Variants in ROBO1 observed in about 807,000 individuals in gnomAD.
ROBO1 encodes roundabout guidance receptor 1.
Under a neutral mutation model 195.9 loss-of-function variants are expected in ROBO1, and 149 were observed. That is an observed-to-expected ratio of 0.76 (90% CI 0.67 to 0.87). The LOEUF (loss-of-function observed/expected upper bound fraction) is 0.87, where lower values mean the gene tolerates loss of function less well. Among genes scored for constraint, ROBO1 ranks in the 40% least tolerant of loss-of-function variants. The probability of loss-of-function intolerance (pLI) is 0.00; values close to 1 mark genes in which losing one functional copy is unlikely to be tolerated. For missense variants in ROBO1, 1,933 were observed against 2,068.3 expected (o/e 0.93, Z 1.27); for synonymous variants, 816 against 733.2 (o/e 1.11, Z -1.82).
intron 3 of ROBO1, among the ~76,000 whole-genome samples, chr3:79,040,698 C>G (rs895009859): frequency 6.6e-6 from 1 of 152,120 alleles, no homozygotes; most frequent in Non-Finnish European, 1.5e-5. Context: ...GTTGTAGACA[C>G]AAAACACCCT....
chr3:79,159,232 G>C (rs2080911802), intron 2 of ROBO1, among the ~76,000 whole-genome samples: 2 of 151,932 alleles, frequency 1.3e-5, no homozygotes, highest in Admixed American at 6.6e-5. Context: ...AATGTTCTCA[G>C]TCTACCTCAT....
chr3:78,719,946 G>T (rs2082001893), intron 5 of ROBO1, among the ~76,000 whole-genome samples: 1 of 152,060 alleles, frequency 6.6e-6, no homozygotes, highest in South Asian at 2.1e-4. Context: ...GTTTCATAAA[G>T]TCATTTTAAT....
At chr3:79,431,374 G>A (rs1177458056) in intron 2 of ROBO1, among the ~76,000 whole-genome samples, 3 of 152,048 alleles carry the variant, frequency 2.0e-5, no homozygotes, top group Non-Finnish European at 2.9e-5. Context: ...CATTCCCACC[G>A]TGCAAGTGGT....
At position 79,439,156 on chromosome 3, in the gene ROBO1, C is replaced by T. The variant is rs144835779; in HGVS notation, c.88+150668G>A. 2.4e-3 allele frequency among the ~76,000 whole-genome samples: 368 copies of T among 152,058 alleles called. 3 individuals are homozygous for T. Among genetic ancestry groups the T allele is most frequent in the African/African-American group, 8.1e-3 (338 of 41,520 alleles). ...CATCAATACTAATTACTTCTAAGTA[C>T]GGAAGATAATACCACTAATAAATAT... On this transcript the variant is annotated intron_variant, in intron 2 of 30. Transcript: ENST00000464233.
intron 2 of ROBO1, among the ~76,000 whole-genome samples, chr3:79,172,766 T>C (rs2081190302): frequency 1.3e-5 from 2 of 152,156 alleles, no homozygotes; most frequent in African/African-American, 2.4e-5. Context: ...CTAGGATATG[T>C]CATACATTTA....
intron 4 of ROBO1, among the ~76,000 whole-genome samples, chr3:78,783,929 C>T (rs2083755427): frequency 6.6e-6 from 1 of 152,014 alleles, no homozygotes; most frequent in Non-Finnish European, 1.5e-5. Flanking sequence ...TGTAGTGAAA[C>T]TTGAGAAATA....
At chr3:78,647,114 G>C (rs1575836097) in intron 20 of ROBO1, among the ~76,000 whole-genome samples, 1 of 152,070 alleles carries the variant, frequency 6.6e-6, no homozygotes, top group East Asian at 1.9e-4. Flanking sequence ...TGACAGAAGA[G>C]GACCCATTTT....
chr3:79,163,491 G>A (rs959819653), intron 2 of ROBO1, among the ~76,000 whole-genome samples: 17 of 152,092 alleles, frequency 1.1e-4, no homozygotes, highest in Admixed American at 1.1e-3. Flanking sequence ...ATGAACATGG[G>A]TGTATAAATA....
At chr3:78,693,039 C>T (rs977123604) in intron 8 of ROBO1, 10 of 262,202 alleles carry the variant, frequency 3.8e-5, no homozygotes, top group Non-Finnish European at 5.7e-5. Context: ...TATATATATT[C>T]GAACAGTACT....
At chr3:78,680,836 T>C (rs2080883936) in intron 10 of ROBO1, among the ~76,000 whole-genome samples, 1 of 149,520 alleles carries the variant, frequency 6.7e-6, no homozygotes. Flanking sequence ...TTACTGGGTA[T>C]ATAACCAAAG....
At chr3:79,218,323 T>C (rs1359663632) in intron 2 of ROBO1, among the ~76,000 whole-genome samples, 3 of 152,002 alleles carry the variant, frequency 2.0e-5, no homozygotes, top group East Asian at 3.9e-4. Flanking sequence ...ATGGAAGGAA[T>C]TGGCTTTAGG....
chr3:79,019,485 C>A (rs964168415), intron 3 of ROBO1: 79 of 986,170 alleles, frequency 8.0e-5, no homozygotes, highest in Non-Finnish European at 9.3e-5. Context: ...CCACAGTCCC[C>A]GCGGCTCCCA....
At chr3:79,266,239 G>C (rs1489926688) in intron 2 of ROBO1, among the ~76,000 whole-genome samples, 1 of 151,510 alleles carries the variant, frequency 6.6e-6, no homozygotes, top group African/African-American at 2.4e-5. Flanking sequence ...AATCCAGCGA[G>C]AGCTCAAATA....
chr3:78,780,336 G>A (rs78642998), intron 4 of ROBO1, among the ~76,000 whole-genome samples: 7,187 of 152,116 alleles, frequency 0.047, 557 homozygotes, highest in African/African-American at 0.16. Flanking sequence ...ACAATAAGAC[G>A]CAATTTCCAA....
intron 7 of ROBO1, among the ~76,000 whole-genome samples, chr3:78,716,980 A>G (rs2081917592): frequency 6.6e-6 from 1 of 152,082 alleles, no homozygotes; most frequent in Admixed American, 6.5e-5. Flanking sequence ...AAACCAAAAA[A>G]CTAGTATTAA....
At chr3:78,860,824 C>T (rs1202514275) in intron 4 of ROBO1, among the ~76,000 whole-genome samples, 1 of 152,112 alleles carries the variant, frequency 6.6e-6, no homozygotes, top group South Asian at 2.1e-4. Context: ...AACTTTCCCA[C>T]CTTCACCCGA....
intron 2 of ROBO1, among the ~76,000 whole-genome samples, chr3:79,235,234 A>C (rs2082386348): frequency 6.6e-6 from 1 of 152,182 alleles, no homozygotes; most frequent in African/African-American, 2.4e-5. Flanking sequence ...ACAGTAGTCT[A>C]AACACATTAT....
At chr3:79,108,027 A>G (rs1225263258) in intron 3 of ROBO1, among the ~76,000 whole-genome samples, 1 of 151,744 alleles carries the variant, frequency 6.6e-6, no homozygotes, top group African/African-American at 2.4e-5. Flanking sequence ...GTAATACACC[A>G]TAGGTCTTTT....
At chr3:78,604,099 T>C (rs115397033) in intron 29 of ROBO1, among the ~76,000 whole-genome samples, 2,268 of 152,222 alleles carry the variant, frequency 0.015, 53 homozygotes, top group African/African-American at 0.048. Context: ...AGACAGATTC[T>C]TGCTCTGTCG....
Sources: gnomAD v4.1 joint callset for allele counts (sites outside exome capture counted in the v4.1 genomes callset) on GRCh38, gnomAD v4.1.1 for gene constraint, MANE v1.5 for transcripts, NCBI Gene and HGNC (gene_info 2026-07-23, HGNC 2026-07-21) for gene names.